The following ZNF804B variants were observed in gnomAD, a reference collection of about 807,000 sequenced individuals.
ZNF804B encodes zinc finger 804B.
ZNF804B carries 80 observed loss-of-function variants against 101.4 expected under a neutral mutation model. That is an observed-to-expected ratio of 0.79 (90% confidence interval 0.66 to 0.95). The LOEUF is 0.95. Ranked by LOEUF, ZNF804B falls within the 40% of genes least tolerant of loss-of-function variation. The pLI, the probability that ZNF804B is intolerant of heterozygous loss-of-function variation, is 0.00. For missense variants in ZNF804B, 1,673 were observed against 1,561.9 expected (o/e 1.07, Z -1.20); for synonymous variants, 622 against 558.8 (o/e 1.11, Z -1.59).
intron 1 of ZNF804B, among the ~76,000 whole-genome samples, chr7:89,110,429 G>A (rs375992877): frequency 6.6e-6 from 1 of 152,190 alleles, no homozygotes; most frequent in Admixed American, 6.5e-5. Flanking sequence ...TAACTAGGTA[G>A]AGAGCTATCA....
intron 1 of ZNF804B, among the ~76,000 whole-genome samples, chr7:89,042,567 A>G (rs894187102): frequency 2.6e-5 from 4 of 152,136 alleles, no homozygotes; most frequent in African/African-American, 7.2e-5. Context: ...TTGTTTTCCT[A>G]TATAGTTAAG....
intron 1 of ZNF804B, among the ~76,000 whole-genome samples, chr7:89,034,410 C>G (rs111935544): frequency 0.029 from 4,389 of 152,104 alleles, 231 homozygotes; most frequent in African/African-American, 0.1. Flanking sequence ...AGCCCCCTAC[C>G]CCCCGCCAGG....
intron 2 of ZNF804B, among the ~76,000 whole-genome samples, chr7:89,280,259 G>A (rs1392747949): frequency 6.6e-6 from 1 of 151,772 alleles, no homozygotes; most frequent in Non-Finnish European, 1.5e-5. Flanking sequence ...ATTCAAAGCA[G>A]TGTGTAGAGA....
rs183511933 is a variant in ZNF804B, at chr7:89,017,471, T to C, written c.109-200684T>C. 3.1e-3 allele frequency among the ~76,000 whole-genome samples: 473 copies of C among 152,262 alleles called. 8 individuals carry two copies. Among genetic ancestry groups the C allele is most frequent in the African/African-American group, 0.011 (452 of 41,566 alleles). On this transcript the variant is annotated intron_variant, in intron 1 of 3. Transcript: ENST00000333190. Reference sequence around the variant, plus strand: ...CCATTCAGTATGATATTGGCTATGTTTGTCATCAGAATTGCTTTGGCTATT... The same window carrying C: ...CCATTCAGTATGATATTGGCTATGTCTGTCATCAGAATTGCTTTGGCTATT...
chr7:89,258,898 G>C (rs998575747), intron 2 of ZNF804B, among the ~76,000 whole-genome samples: 5 of 152,130 alleles, frequency 3.3e-5, no homozygotes, highest in African/African-American at 1.2e-4. Context: ...GGATGAAATA[G>C]TGAAGGAGGT....
intron 1 of ZNF804B, among the ~76,000 whole-genome samples, chr7:88,803,361 G>A (rs946115802): frequency 1.3e-5 from 2 of 152,102 alleles, no homozygotes; most frequent in African/African-American, 4.8e-5. Context: ...GTCAAGATAG[G>A]AAAATATAAG....
intron 2 of ZNF804B, among the ~76,000 whole-genome samples, chr7:89,256,233 A>T (rs1168269229): frequency 6.6e-6 from 1 of 152,178 alleles, no homozygotes; most frequent in East Asian, 1.9e-4. Flanking sequence ...ATAGTAAAAA[A>T]TTGGAAACCA....
In ZNF804B at chr7:89,333,473, G is replaced by A; in HGVS notation, c.491G>A (p.Ser164Asn). 1.9e-6 allele frequency: 3 copies of A among 1,613,252 alleles called. No individual in the cohort carries two copies. Among genetic ancestry groups the A allele is most frequent in the South Asian group, 1.1e-5 (1 of 91,062 alleles). ...KNGRKVSCMK[S>N]ALLLKGKNLP... ...GGCAGAAAGGTATCATGCATGAAGA[G>A]TGCTCTTCTCCTTAAAGGAAAAAAT... Residue 164 changes from serine (S) to asparagine (N), a missense_variant, in exon 4 of 4, where the codon AGT (serine) becomes AAT (asparagine). Physicochemically the swap from Ser to Asn is conservative, Grantham distance 46 (BLOSUM62 1). Coordinates refer to ENST00000333190, the MANE Select transcript of ZNF804B (RefSeq NM_181646.5).
chr7:89,194,961 C>G (rs1286950930), intron 1 of ZNF804B, among the ~76,000 whole-genome samples: 1 of 152,068 alleles, frequency 6.6e-6, no homozygotes, highest in Non-Finnish European at 1.5e-5. Flanking sequence ...AATGTTCTTC[C>G]ATTTGTTTGT....
intron 1 of ZNF804B, among the ~76,000 whole-genome samples, chr7:88,771,113 T>A (rs1325586688): frequency 6.6e-6 from 1 of 152,178 alleles, no homozygotes; most frequent in East Asian, 1.9e-4. Context: ...TCATACCATC[T>A]ACATCCTGTA....
intron 1 of ZNF804B, among the ~76,000 whole-genome samples, chr7:89,066,688 G>A (rs1363567981): frequency 6.6e-6 from 1 of 151,952 alleles, no homozygotes; most frequent in East Asian, 1.9e-4. Context: ...AAATTGTATA[G>A]AAAAATTATT....
chr7:88,907,457 G>T (rs191606255), intron 1 of ZNF804B, among the ~76,000 whole-genome samples: 116 of 152,128 alleles, frequency 7.6e-4, no homozygotes, highest in Non-Finnish European at 1.4e-3. Context: ...TTAAATACAT[G>T]ACTGCTTCTA....
chr7:89,212,447 G>A (rs1169523802), intron 1 of ZNF804B, among the ~76,000 whole-genome samples: 1 of 152,054 alleles, frequency 6.6e-6, no homozygotes, highest in African/African-American at 2.4e-5. Context: ...TGTGCACATG[G>A]GAGATAACCT....
At chr7:88,940,768 A>AAAT (rs71120045) in intron 1 of ZNF804B, among the ~76,000 whole-genome samples, 12,636 of 139,374 alleles carry the variant, frequency 0.091, 590 homozygotes, top group Middle Eastern at 0.12. Context: ...ACCCTATTTA[A>AAAT]AATAATAATA....
chr7:88,990,078 T>A (rs534617858), intron 1 of ZNF804B, among the ~76,000 whole-genome samples: 1 of 152,130 alleles, frequency 6.6e-6, no homozygotes, highest in Non-Finnish European at 1.5e-5. Flanking sequence ...ATTACTTAGT[T>A]GTCCATCTTG....
chr7:89,271,087 G>C (rs150293150), intron 2 of ZNF804B, among the ~76,000 whole-genome samples: 1 of 152,282 alleles, frequency 6.6e-6, no homozygotes, highest in East Asian at 1.9e-4. Flanking sequence ...GTCCTGGCTA[G>C]AACTTCCAAC....
chr7:88,843,356 C>T (rs1389990692), intron 1 of ZNF804B, among the ~76,000 whole-genome samples: 1 of 152,014 alleles, frequency 6.6e-6, no homozygotes, highest in Non-Finnish European at 1.5e-5. Context: ...GATCTATGGG[C>T]ATCAAAATAA....
intron 2 of ZNF804B, among the ~76,000 whole-genome samples, chr7:89,294,867 A>G (rs973269119): frequency 6.6e-6 from 1 of 151,794 alleles, no homozygotes; most frequent in African/African-American, 2.4e-5. Context: ...CTTTCACACA[A>G]TTTTCATTAC....
At chr7:88,780,667 A>C (rs1586899834) in intron 1 of ZNF804B, among the ~76,000 whole-genome samples, 1 of 152,140 alleles carries the variant, frequency 6.6e-6, no homozygotes, top group Admixed American at 6.6e-5. Flanking sequence ...GATTACAGGC[A>C]TAAGCCACTG....
Sources: allele counts gnomAD v4.1 joint callset (sites outside exome capture counted in the v4.1 genomes callset), GRCh38; gene constraint gnomAD v4.1.1; transcripts MANE v1.5; gene names NCBI Gene and HGNC (gene_info 2026-07-23, HGNC 2026-07-21).